Variants in NPFFR2 observed in about 807,000 individuals in gnomAD.
The protein encoded by NPFFR2 is G-protein coupled receptor 74.
Under a neutral mutation model 13.1 loss-of-function variants are expected in NPFFR2, and 15 were observed. The ratio of observed to expected loss-of-function variants is 1.15; its 90% CI spans 0.77 to 1.76. The LOEUF (loss-of-function observed/expected upper bound fraction) is 1.76, where lower values mean the gene tolerates loss of function less well. Among genes scored for constraint, NPFFR2 ranks in the 40% most tolerant of loss-of-function variants. NPFFR2 has a pLI of 0.00. For synonymous variants in NPFFR2, 190 were observed against 175.7 expected, an observed-to-expected ratio of 1.08 and a Z score of -0.65; for missense variants, 572 against 503.5, an observed-to-expected ratio of 1.14 and a Z score of -1.30.
At chr4:72,133,262 T>C (rs1722307819) in intron 2 of NPFFR2, among the ~76,000 whole-genome samples, 1 of 152,218 alleles carries the variant, frequency 6.6e-6, no homozygotes, top group Admixed American at 6.5e-5. Flanking sequence ...TAGGGAGTCC[T>C]TTCCCCATTA....
chr4:72,141,173 T>C (rs62320844), intron 3 of NPFFR2, among the ~76,000 whole-genome samples: 35,855 of 151,898 alleles, frequency 0.24, 5,303 homozygotes, highest in Non-Finnish European at 0.33. Context: ...GTGTTGCTAG[T>C]AGTCTATCAA....
chr4:72,140,741 T>C (rs548205788), intron 3 of NPFFR2, among the ~76,000 whole-genome samples: 2 of 152,158 alleles, frequency 1.3e-5, no homozygotes, highest in Non-Finnish European at 2.9e-5. Context: ...GGGGTGTCTC[T>C]ACCAGGCTTT....
rs570875261 is a variant in NPFFR2 at position 72,105,219 on chromosome 4, T to G, written c.-7-23366T>G. Reference sequence around the variant, plus strand: ...TTTTAAATGAATAATTTACAATATGTAGAGAGAGTTATAAAACATGAAAAA... The same window carrying G: ...TTTTAAATGAATAATTTACAATATGGAGAGAGAGTTATAAAACATGAAAAA... On this transcript the variant is annotated intron_variant, in intron 1 of 3. Coordinates refer to ENST00000308744, the MANE Select transcript of NPFFR2 (RefSeq NM_004885.3). 3.0e-3 allele frequency among the ~76,000 whole-genome samples: 450 copies of G among 151,770 alleles called. 1 individual carries two copies. The highest frequency in any genetic ancestry group is 0.01 in the Middle Eastern group (3 of 290).
intron 1 of NPFFR2, 147 bp downstream of exon 1, chr4:72,032,347 C>G (rs1196539592): frequency 1.1e-6 from 1 of 907,914 alleles, no homozygotes; most frequent in African/African-American, 1.7e-5. Flanking sequence ...ACACAGGCAC[C>G]CGCTTGGTCA....
intron 1 of NPFFR2, among the ~76,000 whole-genome samples, chr4:72,061,409 A>G (rs7657617): frequency 0.89 from 135,680 of 152,166 alleles, 61,593 homozygotes; most frequent in Non-Finnish European, 0.98. Flanking sequence ...AGACAAACTG[A>G]CATAGTGGTT....
intron 1 of NPFFR2, chr4:72,039,467 C>A: frequency 2.6e-6 from 2 of 763,046 alleles, no homozygotes; most frequent in Non-Finnish European, 3.2e-6. Context: ...ACTCTTATAC[C>A]CATTCACATA....
chr4:72,142,772 T>C (rs543632090), intron 3 of NPFFR2, among the ~76,000 whole-genome samples: 1 of 152,350 alleles, frequency 6.6e-6, no homozygotes, highest in Admixed American at 6.5e-5. Context: ...GATTTTAAGA[T>C]TGAAAATCAT....
chr4:72,090,304 A>G (rs1433350731), intron 1 of NPFFR2, among the ~76,000 whole-genome samples: 4 of 151,890 alleles, frequency 2.6e-5, no homozygotes, highest in African/African-American at 9.7e-5. Flanking sequence ...TTGGCTATGC[A>G]GGGTCTTTTT....
At chr4:72,131,943 TAA>T (rs35231729) in intron 2 of NPFFR2, among the ~76,000 whole-genome samples, 6,637 of 144,290 alleles carry the variant, frequency 0.046, 406 homozygotes, top group African/African-American at 0.15. Context: ...CAATAAATGT[TAA>T]AAAAAAAAGA....
chr4:72,120,220 C>T (rs1560416940), intron 1 of NPFFR2, among the ~76,000 whole-genome samples: 1 of 152,222 alleles, frequency 6.6e-6, no homozygotes, highest in Non-Finnish European at 1.5e-5. Context: ...TAGATTCCTC[C>T]TCTCTGGGCA....
intron 1 of NPFFR2, among the ~76,000 whole-genome samples, chr4:72,043,115 A>G (rs998247548): frequency 6.6e-6 from 1 of 152,152 alleles, no homozygotes; most frequent in Non-Finnish European, 1.5e-5. Flanking sequence ...GGCCATTGCA[A>G]TTCCCAATCC....
chr4:72,087,089 G>T (rs532428288), intron 1 of NPFFR2, among the ~76,000 whole-genome samples: 1 of 152,138 alleles, frequency 6.6e-6, no homozygotes, highest in South Asian at 2.1e-4. Context: ...AACTTGGGTT[G>T]AAAGAGACCA....
rs1041289326 is a variant in NPFFR2 at position 72,124,178 on chromosome 4, T to G, written c.-7-4407T>G. ...CCATTCACAATTGCTACAAAAAGAA[T>G]AAAATACCTAGGAATACAACTTACA... On this transcript the variant is annotated intron_variant, in intron 1 of 3. Coordinates refer to ENST00000308744, the MANE Select transcript of NPFFR2 (RefSeq NM_004885.3). 9.9e-5 allele frequency among the ~76,000 whole-genome samples: 15 copies of G among 152,132 alleles called. 1 individual carries two copies. The South Asian group carries it at 3.1e-3, about 32-fold the overall frequency.
intron 1 of NPFFR2, among the ~76,000 whole-genome samples, chr4:72,079,053 A>AACACAC (rs59522916): frequency 0.05 from 6,958 of 139,082 alleles, 190 homozygotes; most frequent in South Asian, 0.06. Flanking sequence ...CATAGAACTA[A>AACACAC]ACACACACAC....
At chr4:72,038,641 T>G (rs1719107958) in intron 1 of NPFFR2, among the ~76,000 whole-genome samples, 1 of 152,106 alleles carries the variant, frequency 6.6e-6, no homozygotes, top group African/African-American at 2.4e-5. Flanking sequence ...TAATATACAT[T>G]CAGGTTGCAT....
intron 1 of NPFFR2, among the ~76,000 whole-genome samples, chr4:72,104,099 G>A (rs116376056): frequency 0.018 from 2,720 of 152,084 alleles, 89 homozygotes; most frequent in African/African-American, 0.062. Context: ...CAAATGGCAA[G>A]GTTCACCATC....
At chr4:72,136,678 G>A (rs1560422589) in intron 2 of NPFFR2, among the ~76,000 whole-genome samples, 1 of 152,162 alleles carries the variant, frequency 6.6e-6, no homozygotes, top group African/African-American at 2.4e-5. Context: ...GCCATGCAGT[G>A]CAGCGGTATA....
intron 1 of NPFFR2, among the ~76,000 whole-genome samples, chr4:72,043,473 G>A (rs113949438): frequency 3.9e-5 from 6 of 152,242 alleles, no homozygotes; most frequent in Admixed American, 6.5e-5. Flanking sequence ...CAGTAAGGGG[G>A]CTGTGCCCTG....
chr4:72,055,754 T>C (rs1719725553), intron 1 of NPFFR2, among the ~76,000 whole-genome samples: 1 of 151,950 alleles, frequency 6.6e-6, no homozygotes, highest in Non-Finnish European at 1.5e-5. Flanking sequence ...AGTGAATACA[T>C]GAATGATAAG....
Sources: allele counts gnomAD v4.1 joint callset (sites outside exome capture counted in the v4.1 genomes callset), GRCh38; gene constraint gnomAD v4.1.1; transcripts MANE v1.5; gene names NCBI Gene and HGNC (gene_info 2026-07-23, HGNC 2026-07-21).